The following NWD2 variants were observed in gnomAD, a reference collection of about 807,000 sequenced individuals.
The protein encoded by NWD2 is NACHT and WD repeat domain-containing protein 2.
A neutral mutation model predicts 132.7 loss-of-function variants in NWD2; 37 were observed. The observed-to-expected ratio is 0.28, with a 90% CI of 0.21 to 0.37. The LOEUF (loss-of-function observed/expected upper bound fraction) is 0.37, where lower values mean the gene tolerates loss of function less well. NWD2 is among the 10% of genes least tolerant of loss of function. The pLI is 1.00. For missense variants in NWD2, 1,592 were observed against 2,122.4 expected, an observed-to-expected ratio of 0.75 and a Z score of 4.91; for synonymous variants, 705 against 803.0, an observed-to-expected ratio of 0.88 and a Z score of 2.06.
intron 2 of NWD2, among the ~76,000 whole-genome samples, chr4:37,345,635 T>G (rs759660846): frequency 1.1e-4 from 16 of 152,328 alleles, no homozygotes; most frequent in Middle Eastern, 3.4e-3. Context: ...AAATGTTTTC[T>G]TGCATTTTGT....
chr4:37,256,208 G>T (rs1717515880), intron 1 of NWD2, among the ~76,000 whole-genome samples: 1 of 152,198 alleles, frequency 6.6e-6, no homozygotes, highest in Non-Finnish European at 1.5e-5. Context: ...CAGTATATAT[G>T]TGACTGTGGA....
chr4:37,432,589 T>C (rs939062662), intron 4 of NWD2, among the ~76,000 whole-genome samples: 2 of 152,206 alleles, frequency 1.3e-5, no homozygotes, highest in Non-Finnish European at 2.9e-5. Flanking sequence ...GTTTTTATTT[T>C]GTGAAAGGTT....
chr4:37,407,674 T>C (rs977444558), intron 3 of NWD2, among the ~76,000 whole-genome samples: 1 of 152,206 alleles, frequency 6.6e-6, no homozygotes, highest in Admixed American at 6.5e-5. Flanking sequence ...AAAAGAAATG[T>C]TGAAGCAACT....
chr4:37,245,828 G>A (rs187328308), intron 1 of NWD2, among the ~76,000 whole-genome samples: 6 of 152,276 alleles, frequency 3.9e-5, no homozygotes, highest in Admixed American at 3.9e-4. Flanking sequence ...CATCTCAGTT[G>A]GGTCACAGGG....
chr4:37,275,886 G>A (rs1718001416), intron 1 of NWD2, among the ~76,000 whole-genome samples: 1 of 152,102 alleles, frequency 6.6e-6, no homozygotes, highest in African/African-American at 2.4e-5. Flanking sequence ...TGGTAAAACT[G>A]GCTAGCCATA....
chr4:37,389,409 A>T (rs10013737), intron 3 of NWD2, among the ~76,000 whole-genome samples: 1 of 152,186 alleles, frequency 6.6e-6, no homozygotes, highest in African/African-American at 2.4e-5. Flanking sequence ...CAAACTTTCA[A>T]TATTTTACAG....
At chr4:37,312,539 T>A (rs1262223718) in intron 1 of NWD2, among the ~76,000 whole-genome samples, 1 of 151,000 alleles carries the variant, frequency 6.6e-6, no homozygotes, top group Non-Finnish European at 1.5e-5. Context: ...GCTGAGACAG[T>A]GGGGTTCTCT....
intron 3 of NWD2, among the ~76,000 whole-genome samples, chr4:37,358,619 T>C (rs1719917024): frequency 6.6e-6 from 1 of 152,102 alleles, no homozygotes; most frequent in Admixed American, 6.6e-5. Flanking sequence ...CAGGAGTTGC[T>C]CCACTATTCT....
At chr4:37,358,593 TA>T (rs1719916541) in intron 3 of NWD2, among the ~76,000 whole-genome samples, 1 of 152,166 alleles carries the variant, frequency 6.6e-6, no homozygotes, top group African/African-American at 2.4e-5. Context: ...TGATATTTCA[TA>T]GCTGTGTGGC....
chr4:37,265,079 G>A (rs1482619903), intron 1 of NWD2, among the ~76,000 whole-genome samples: 1 of 152,044 alleles, frequency 6.6e-6, no homozygotes, highest in East Asian at 1.9e-4. Flanking sequence ...AGCCTGTACT[G>A]TGACTTGATT....
In NWD2 at chr4:37,447,745, T is replaced by G. The variant is rs1185372781; in HGVS notation, c.*528T>G. On this transcript the variant is annotated 3_prime_UTR_variant, in exon 7 of 7. Coordinates refer to ENST00000309447, the MANE Select transcript of NWD2 (RefSeq NM_001144990.2). ...AAAATATGTAACAAAAATACCCAAG[T>G]GTATTCCCAGTTTCCCGAGAGATAT... 1 of 154,866 alleles carries G rather than the reference T, an allele frequency of 6.5e-6. No individual in the cohort carries two copies. The highest frequency in any genetic ancestry group is 1.4e-5 in the Non-Finnish European group (1 of 69,794). The allele number at this position is 154,866 out of a possible 1,614,324, so 9.6% of individuals were successfully genotyped here.
At chr4:37,400,874 C>A (rs979891970) in intron 3 of NWD2, among the ~76,000 whole-genome samples, 4 of 152,114 alleles carry the variant, frequency 2.6e-5, no homozygotes, top group African/African-American at 9.7e-5. Context: ...ATGTGTGTTA[C>A]AATAAAGGAA....
At chr4:37,301,287 T>G (rs184097980) in intron 1 of NWD2, among the ~76,000 whole-genome samples, 1 of 152,236 alleles carries the variant, frequency 6.6e-6, no homozygotes, top group Non-Finnish European at 1.5e-5. Context: ...AAATGGAATT[T>G]CAGTATTTAT....
chr4:37,393,857 T>G (rs955680782), intron 3 of NWD2, among the ~76,000 whole-genome samples: 1 of 152,198 alleles, frequency 6.6e-6, no homozygotes, highest in Non-Finnish European at 1.5e-5. Flanking sequence ...ATTCCTTTAC[T>G]CCCTAGGCTG....
intron 3 of NWD2, among the ~76,000 whole-genome samples, chr4:37,388,243 G>A (rs1720607382): frequency 6.6e-6 from 1 of 152,070 alleles, no homozygotes; most frequent in African/African-American, 2.4e-5. Context: ...GAGTGCAATA[G>A]TGCAACCTCA....
chr4:37,343,648 A>G (rs1719575415), intron 2 of NWD2, among the ~76,000 whole-genome samples: 1 of 152,090 alleles, frequency 6.6e-6, no homozygotes, highest in African/African-American at 2.4e-5. Context: ...AGTTTTTTCC[A>G]TTTTGCATTG....
chr4:37,429,939 G>A (rs1712123433), intron 3 of NWD2, among the ~76,000 whole-genome samples: 1 of 150,888 alleles, frequency 6.6e-6, no homozygotes, highest in South Asian at 2.1e-4. Flanking sequence ...ATGCCCATCA[G>A]CACTCTATGG....
chr4:37,347,519 A>G (rs1203456124), intron 2 of NWD2, among the ~76,000 whole-genome samples: 1 of 152,170 alleles, frequency 6.6e-6, no homozygotes, highest in Non-Finnish European at 1.5e-5. Context: ...TACAGTTTAT[A>G]CCAATTTAAT....
chr4:37,440,107 C>T (rs1712441762), intron 6 of NWD2, among the ~76,000 whole-genome samples: 1 of 152,138 alleles, frequency 6.6e-6, no homozygotes, highest in Non-Finnish European at 1.5e-5. Flanking sequence ...CCTCCCGTAC[C>T]TCTGCCCTAT....
Sources: gnomAD v4.1 joint callset for allele counts (sites outside exome capture counted in the v4.1 genomes callset) on GRCh38, gnomAD v4.1.1 for gene constraint, MANE v1.5 for transcripts, NCBI Gene and HGNC (gene_info 2026-07-23, HGNC 2026-07-21) for gene names.